SORBS2: variants seen among roughly 807,000 people sequenced by gnomAD.
SORBS2 encodes the protein sorbin and SH3 domain-containing protein 2.
In SORBS2, 46 loss-of-function variants were observed where a neutral mutation model predicts 97.7. The observed-to-expected ratio is 0.47, with a 90% CI of 0.37 to 0.60. SORBS2 has a LOEUF of 0.60. SORBS2 is among the 20% of genes least tolerant of loss of function. The pLI is 0.00. For missense variants in SORBS2, 1,316 were observed against 1,282.3 expected, an observed-to-expected ratio of 1.03 and a Z score of -0.40; for synonymous variants, 476 against 473.4, an observed-to-expected ratio of 1.01 and a Z score of -0.07.
At chr4:185,915,993 A>G (rs554000629) in intron 1 of SORBS2, among the ~76,000 whole-genome samples, 3 of 152,298 alleles carry the variant, frequency 2.0e-5, no homozygotes, top group Non-Finnish European at 4.4e-5. Flanking sequence ...GTGGTCATCA[A>G]CGATCTGTAT....
chr4:185,940,546 C>A (rs1003574832), intron 1 of SORBS2, among the ~76,000 whole-genome samples: 2 of 152,170 alleles, frequency 1.3e-5, no homozygotes, highest in Non-Finnish European at 2.9e-5. Flanking sequence ...CTTTGTCATT[C>A]TCTGGCTTAA....
intron 4 of SORBS2, among the ~76,000 whole-genome samples, chr4:185,635,845 A>AATT (rs1171867599): frequency 7.7e-6 from 1 of 130,312 alleles, no homozygotes; most frequent in African/African-American, 3.0e-5. Flanking sequence ...TTTCTTTTTG[A>AATT]ATTATTTTAT....
chr4:185,656,134 G>A (rs2097396916), intron 1 of SORBS2, among the ~76,000 whole-genome samples: 1 of 152,186 alleles, frequency 6.6e-6, no homozygotes, highest in African/African-American at 2.4e-5. Context: ...AAGAATATTG[G>A]TCATAATCCC....
At position 185,600,861 on chromosome 4, in the gene SORBS2, T is replaced by G. The variant is rs537530518; in HGVS notation, c.2797-6926A>C. On this transcript the variant is annotated intron_variant, in intron 12 of 14. Transcript: ENST00000418609. ...CTTTTTGGGGGGAAACATGGTGAAATTTGATGAACTACTGAAGTGCCAACC... is the reference window on the plus strand; with the variant it reads ...CTTTTTGGGGGGAAACATGGTGAAAGTTGATGAACTACTGAAGTGCCAACC... 2.0e-5 allele frequency among the ~76,000 whole-genome samples: 3 copies of G among 151,948 alleles called. No homozygotes were observed. The South Asian group carries it at 6.2e-4, about 32-fold the overall frequency.
rs1204965833 is a variant in SORBS2, at chr4:185,684,840, C to T, written c.-197-6018G>A. On this transcript the variant is annotated intron_variant, in intron 2 of 20. Coordinates refer to the SORBS2 transcript ENST00000284776. This position sits in a 1 kb window ranked among gnomAD's most constrained non-coding sequence, Gnocchi z 4.2. Reference sequence around the variant, plus strand: ...GGCGGCACGTTTGCGAGCACACCCACCGCTATCTGGAAGCAAAAAAATGAT... The same window carrying T: ...GGCGGCACGTTTGCGAGCACACCCATCGCTATCTGGAAGCAAAAAAATGAT... 6 of 1,551,778 alleles carry T rather than the reference C, an allele frequency of 3.9e-6. No individual in the cohort carries two copies. In the East Asian group the frequency reaches 1.5e-4, roughly 38 times the overall value.
chr4:185,739,356 G>A (rs1000555446), intron 2 of SORBS2, among the ~76,000 whole-genome samples: 3 of 152,170 alleles, frequency 2.0e-5, no homozygotes, highest in Non-Finnish European at 4.4e-5. Context: ...GAATTGTAGG[G>A]CATTAACTCT....
chr4:185,809,073 C>T (rs539263499), intron 1 of SORBS2, among the ~76,000 whole-genome samples: 1 of 152,058 alleles, frequency 6.6e-6, no homozygotes, highest in Non-Finnish European at 1.5e-5. Flanking sequence ...ATGAAAGCCT[C>T]ATTGTTGTTT....
chr4:185,804,698 T>G (rs2099145631), intron 1 of SORBS2, among the ~76,000 whole-genome samples: 1 of 152,222 alleles, frequency 6.6e-6, no homozygotes, highest in East Asian at 1.9e-4. Flanking sequence ...GAGTGAAATC[T>G]ATATAAATTA....
intron 1 of SORBS2, among the ~76,000 whole-genome samples, chr4:185,949,197 G>A (rs1009891978): frequency 6.6e-6 from 1 of 152,196 alleles, no homozygotes; most frequent in African/African-American, 2.4e-5. Flanking sequence ...TCCAAGTACG[G>A]CTAGAGAATA....
intron 13 of SORBS2, chr4:185,593,606 A>T: frequency 2.5e-6 from 1 of 395,946 alleles, no homozygotes; most frequent in Non-Finnish European, 4.5e-6. Context: ...CAGAGCAGAG[A>T]GGGAGACAGA....
chr4:185,785,445 C>T (rs1019872703), intron 1 of SORBS2, among the ~76,000 whole-genome samples: 4 of 152,148 alleles, frequency 2.6e-5, no homozygotes, highest in Non-Finnish European at 4.4e-5. Context: ...TAAATCATAA[C>T]GATTCCGTTT....
intron 12 of SORBS2, among the ~76,000 whole-genome samples, chr4:185,598,350 C>T (rs536735701): frequency 3.0e-4 from 45 of 152,232 alleles, no homozygotes; most frequent in African/African-American, 6.5e-4. Context: ...TTGTCAAAAA[C>T]GGATACAAAA....
intron 5 of SORBS2, among the ~76,000 whole-genome samples, chr4:185,628,940 T>A (rs2096861671): frequency 6.6e-6 from 1 of 152,228 alleles, no homozygotes; most frequent in Non-Finnish European, 1.5e-5. Flanking sequence ...CACAGCACAC[T>A]GTGCATGAAA....
At chr4:185,859,868 G>A (rs2099222696) in intron 1 of SORBS2, among the ~76,000 whole-genome samples, 1 of 152,168 alleles carries the variant, frequency 6.6e-6, no homozygotes, top group Non-Finnish European at 1.5e-5. Flanking sequence ...TCCAAAAGCA[G>A]GTGCTTAGAG....
chr4:185,877,980 C>A (rs944533138), intron 1 of SORBS2, among the ~76,000 whole-genome samples: 1 of 151,196 alleles, frequency 6.6e-6, no homozygotes, highest in Non-Finnish European at 1.5e-5. Flanking sequence ...AAAGGCATAA[C>A]ATTACAATAT....
chr4:185,715,755 T>A (rs1319971991), intron 2 of SORBS2, among the ~76,000 whole-genome samples: 1 of 152,206 alleles, frequency 6.6e-6, no homozygotes, highest in Non-Finnish European at 1.5e-5. Flanking sequence ...GCTCCATCCA[T>A]GTTTTCCTCC....
chr4:185,773,017 T>A (rs1428908856), intron 2 of SORBS2: 1 of 151,322 alleles, frequency 6.6e-6, no homozygotes, highest in Non-Finnish European at 1.5e-5. Flanking sequence ...CAATCCAAAG[T>A]TTCAACGTAA....
chr4:185,678,698 G>A, intron 3 of SORBS2, 98 bp downstream of exon 6: 1 of 1,157,542 alleles, frequency 8.6e-7, no homozygotes, highest in Non-Finnish European at 1.2e-6. Context: ...AACAGTACAT[G>A]AAATTTAAAT....
Position 185,780,062 on chromosome 4 carries a change from C to A in SORBS2, c.-337-4696G>T, listed in dbSNP as rs572273601. Among the ~76,000 whole-genome samples the A allele has an allele frequency of 1.4e-4, 19 of 132,400 alleles. No individual in the cohort carries two copies. In the East Asian group the frequency reaches 4.5e-3, roughly 32 times the overall value. 86.9% of individuals were successfully genotyped at this position (132,400 alleles called of 152,430 possible). A position where few individuals can be genotyped will look rare whatever the true frequency, so the allele number is the denominator to read the frequency against. ...CGGAGTTTTGCTCTTGTTGCCCAGG[C>A]TGGAGTGCAATAGCACAATCTCGGC... is the stretch of plus-strand genomic sequence containing the variant. On this transcript the variant is annotated intron_variant, in intron 1 of 20. Coordinates refer to the SORBS2 transcript ENST00000284776.
Sources: gnomAD v4.1 joint callset for allele counts (sites outside exome capture counted in the v4.1 genomes callset) on GRCh38, gnomAD v4.1.1 for gene constraint, Gnocchi (gnomAD v3.1) non-coding constraint, MANE v1.5 for transcripts, NCBI Gene and HGNC (gene_info 2026-07-23, HGNC 2026-07-21) for gene names.